The following TWF2 variants were observed in gnomAD, a reference collection of about 807,000 sequenced individuals.
TWF2 encodes twinfilin actin binding protein 2.
Under a neutral mutation model 45.1 loss-of-function variants are expected in TWF2, and 15 were observed. The ratio of observed to expected loss-of-function variants is 0.33; its 90% CI spans 0.22 to 0.51. The LOEUF (loss-of-function observed/expected upper bound fraction) is 0.51. TWF2 is among the 20% of genes least tolerant of loss of function. TWF2 has a pLI of 0.97. For synonymous variants in TWF2, 177 were observed against 195.8 expected (o/e 0.90, Z 0.80); for missense variants, 423 against 469.1 (o/e 0.90, Z 0.91).
chr3:52,237,217 C>T (rs1004919927), intron 1 of TWF2, among the ~76,000 whole-genome samples: 10 of 152,266 alleles, frequency 6.6e-5, no homozygotes, highest in Non-Finnish European at 1.5e-4. Flanking sequence ...CCCTGCCCAC[C>T]CCAGCCCCAA....
intron 8 of TWF2, 96 bp from the exon 9 acceptor site, chr3:52,229,297 A>C (rs775195945): frequency 6.7e-7 from 1 of 1,494,880 alleles, no homozygotes; most frequent in Non-Finnish European, 8.9e-7. Flanking sequence ...TTACTCTCAC[A>C]TCCTAGCCCT....
intron 1 of TWF2, among the ~76,000 whole-genome samples, chr3:52,236,407 G>A (rs1699726795): frequency 6.6e-6 from 1 of 152,166 alleles, no homozygotes; most frequent in East Asian, 1.9e-4. Flanking sequence ...TGAGGACCAT[G>A]GTGAGAGCTG....
chr3:52,234,777 C>T (rs942827025), intron 2 of TWF2, among the ~76,000 whole-genome samples: 1 of 152,244 alleles, frequency 6.6e-6, no homozygotes, highest in African/African-American at 2.4e-5. Flanking sequence ...TGGGAGGTGG[C>T]AGGACCCCAG....
chr3:52,235,616 G>A (rs942299572), intron 1 of TWF2, among the ~76,000 whole-genome samples: 1 of 152,212 alleles, frequency 6.6e-6, no homozygotes, highest in African/African-American at 2.4e-5. Context: ...TGTGACAGAG[G>A]AGCAGAAATT....
In TWF2 at chr3:52,239,079, C is replaced by T; in HGVS notation, c.-63G>A. The T allele has an allele frequency of 1.9e-6, 3 of 1,567,068 alleles. No homozygotes were observed. Among genetic ancestry groups the T allele is most frequent in the Admixed American group, 1.7e-5 (1 of 57,252 alleles). ...TCCGCTTGACCCTGGCCCGGCAACG[C>T]TCGCTGGACCAAGAGAGGTGGAGGA... On this transcript the variant is annotated 5_prime_UTR_variant, in exon 1 of 9. Transcript: ENST00000305533.
chr3:52,235,922 G>T (rs1355983809), intron 1 of TWF2, among the ~76,000 whole-genome samples: 4 of 152,180 alleles, frequency 2.6e-5, no homozygotes, highest in Non-Finnish European at 4.4e-5. Flanking sequence ...CAGCCCTGTG[G>T]GGGGTGGGGG....
intron 2 of TWF2, chr3:52,232,350 G>A (rs370481132): frequency 9.3e-5 from 54 of 582,080 alleles, no homozygotes; most frequent in East Asian, 7.9e-4. Context: ...TCCCCAGCGC[G>A]TGCACACACC....
At chr3:52,238,939 C>A in intron 1 of TWF2, 53 bp downstream of exon 1, 2 of 1,374,068 alleles carry the variant, frequency 1.5e-6, no homozygotes, top group Non-Finnish European at 2.0e-6. Context: ...CGGGGGGGGG[C>A]GCTTCCGAGA....
In TWF2 at chr3:52,230,954, C is replaced by G. The variant is rs957641164; in HGVS notation, c.525G>C (p.Leu175=). The change falls in exon 6 of 9, where the codon CTG becomes CTC. Residue 175 remains leucine, a synonymous_variant. Transcript: ENST00000305533. ...GCTGCAGGGGGAAGGCGAGGCCCTG[C>G]AGGGTCTGGTGCTTGCTTTCCACAC... is the stretch of plus-strand genomic sequence containing the variant. The part of the protein sequence containing the change: ...EISVESKHQT[L]QGLAFPLQPE... 1 of 1,604,030 alleles carries G rather than the reference C, an allele frequency of 6.2e-7. No homozygotes were observed. Among genetic ancestry groups the G allele is most frequent in the East Asian group, 2.2e-5 (1 of 44,474 alleles).
chr3:52,238,295 C>T (rs1161722658), intron 1 of TWF2, among the ~76,000 whole-genome samples: 2 of 152,198 alleles, frequency 1.3e-5, no homozygotes, highest in Non-Finnish European at 2.9e-5. Context: ...GGTCAGAGGT[C>T]AAGGTCAGAT....
At position 52,228,768 on chromosome 3, in the gene TWF2, C is replaced by T. The variant is rs1289710309; in HGVS notation, c.*266G>A. 1.9e-6 allele frequency: 1 copy of T among 517,324 alleles called. No individual in the cohort carries two copies. Among genetic ancestry groups the T allele is most frequent in the Non-Finnish European group, 3.4e-6 (1 of 294,256 alleles). The allele number at this position is 517,324 out of a possible 1,614,324, so 32.0% of individuals were successfully genotyped here. A position where few individuals can be genotyped will look rare whatever the true frequency, so the allele number is the denominator to read the frequency against. Reference sequence around the variant, plus strand: ...TCTCAGCTCCCCGGGAGGCCAGGTTCATGCCAGGCCCCTGACCCAGCCCCC... The same window carrying T: ...TCTCAGCTCCCCGGGAGGCCAGGTTTATGCCAGGCCCCTGACCCAGCCCCC... On this transcript the variant is annotated 3_prime_UTR_variant, in exon 9 of 9. Transcript: ENST00000305533.
rs1167789377 is a variant in TWF2, at chr3:52,230,077, A to G, written c.610-7T>C. 1 of 1,574,882 alleles carries G rather than the reference A, an allele frequency of 6.3e-7. No homozygotes were observed. The highest frequency in any genetic ancestry group is 1.7e-4 in the Middle Eastern group (1 of 5,994). ...CCCGCTCTAGGTCCAGCTTCTGCCC[A>G]GGGCCAAGGGAAGATGGGAGAGCAC... On this transcript the variant is annotated splice_polypyrimidine_tract_variant and splice_region_variant and intron_variant, in intron 6 of 8. Coordinates refer to ENST00000305533, the MANE Select transcript of TWF2 (RefSeq NM_007284.4).
In TWF2 at chr3:52,231,954, T is replaced by G; in HGVS notation, c.272A>C (p.Asp91Ala). 1 of 1,613,018 alleles carries G rather than the reference T, an allele frequency of 6.2e-7. No individual in the cohort carries two copies. The highest frequency in any genetic ancestry group is 8.5e-7 in the Non-Finnish European group (1 of 1,179,352). ...TGGCCCAGGACTCACGGGGGAGTTA[T>G]CAGGCGACCAGGCGAGGAAGAGCCA... ...FEWLFLAWSP[D>A]NSPVRLKMLY... Residue 91 changes from aspartate to alanine, a missense_variant, in exon 3 of 9, where the codon GAT becomes GCT. Physicochemically the swap from Asp to Ala is moderately radical, Grantham distance 126. Transcript: ENST00000305533.
chr3:52,232,364 C>CCA (rs1262223352), intron 2 of TWF2: 124 of 538,640 alleles, frequency 2.3e-4, no homozygotes, highest in Middle Eastern at 5.0e-4. Flanking sequence ...ACACACCCCC[C>CCA]CACACACACA....
chr3:52,238,373 G>A (rs773198668), intron 1 of TWF2, among the ~76,000 whole-genome samples: 2 of 152,292 alleles, frequency 1.3e-5, no homozygotes, highest in South Asian at 2.1e-4. Context: ...GAGAGTGAGT[G>A]TCCTGGGAGG....
Position 52,231,539 on chromosome 3 carries a change from C to T in TWF2, c.283G>A (p.Val95Met). ...GCCGCGTACAGCATCTTCAGCCGCA[C>T]CTGAAGGGCAAGGGCCAAACCGTAA... ...FLAWSPDNSP[V>M]RLKMLYAATR... The change falls in exon 4 of 9, where the codon GTG (valine) becomes ATG (methionine). Residue 95 changes from valine (V) to methionine (M), a missense_variant and splice_region_variant. Transcript: ENST00000305533. 1.9e-6 allele frequency: 3 copies of T among 1,612,266 alleles called. No individual in the cohort carries two copies. Among genetic ancestry groups the T allele is most frequent in the Non-Finnish European group, 1.7e-6 (2 of 1,179,486 alleles).
chr3:52,231,336 C>G, intron 4 of TWF2, 105 bp from the exon 5 acceptor site: 3 of 1,564,494 alleles, frequency 1.9e-6, no homozygotes, highest in Non-Finnish European at 2.6e-6. Flanking sequence ...TCCCCCAGCG[C>G]CCCCATCTTC....
chr3:52,235,742 G>A (rs1051306678), intron 1 of TWF2, among the ~76,000 whole-genome samples: 7 of 152,220 alleles, frequency 4.6e-5, no homozygotes, highest in Non-Finnish European at 1.0e-4. Context: ...ACGCACACAG[G>A]CAGGCAAGTG....
chr3:52,230,450 A>G (rs905689261), intron 6 of TWF2, among the ~76,000 whole-genome samples: 2 of 152,212 alleles, frequency 1.3e-5, no homozygotes, highest in African/African-American at 4.8e-5. Context: ...TTTTGCTTGA[A>G]AGCGGCAGCC....
Sources: allele counts gnomAD v4.1 joint callset (sites outside exome capture counted in the v4.1 genomes callset), GRCh38; gene constraint gnomAD v4.1.1; transcripts MANE v1.5; gene names NCBI Gene and HGNC (gene_info 2026-07-23, HGNC 2026-07-21).